Variants in TYW1B observed in about 807,000 individuals in gnomAD.
TYW1B encodes tRNA-yW synthesizing protein 1 homolog B.
A neutral mutation model predicts 86.9 loss-of-function variants in TYW1B; 73 were observed. The ratio of observed to expected loss-of-function variants is 0.84; its 90% CI spans 0.70 to 1.02. The LOEUF is 1.02. Among genes scored for constraint, TYW1B ranks in the 50% least tolerant of loss-of-function variants. The pLI is 0.00. For synonymous variants in TYW1B, 248 were observed against 292.8 expected (o/e 0.85, Z 1.56); for missense variants, 637 against 827.4 (o/e 0.77, Z 2.82).
chr7:72,647,271 C>T (rs538414154), intron 11 of TYW1B, among the ~76,000 whole-genome samples: 1 of 152,094 alleles, frequency 6.6e-6, no homozygotes, highest in East Asian at 1.9e-4. Flanking sequence ...TCAGTACCAA[C>T]GTTTAGAAAA....
chr7:72,702,578 G>A lies in TYW1B; in HGVS notation c.1371-7756C>T, dbSNP rs575813566. Among the ~76,000 whole-genome samples, 29 of 151,952 alleles carry A rather than the reference G, an allele frequency of 1.9e-4. 1 individual carries two copies. In the South Asian group the frequency reaches 6.0e-3, roughly 32 times the overall value. ...AATTTTTATATTTCAGTTGAGATGG[G>A]GTTTCACTATGTAGGTCAAGCTGGT... On this transcript the variant is annotated intron_variant, in intron 10 of 13. Coordinates refer to ENST00000620995, the MANE Select transcript of TYW1B (RefSeq NM_001145440.3).
intron 5 of TYW1B, among the ~76,000 whole-genome samples, chr7:72,806,352 C>T (rs1788494947): frequency 6.6e-6 from 1 of 151,294 alleles, no homozygotes; most frequent in Admixed American, 6.6e-5. Context: ...TCTCATGCCT[C>T]AGCCTCCCGA....
intron 10 of TYW1B, among the ~76,000 whole-genome samples, chr7:72,705,777 G>A (rs547052410): frequency 2.0e-5 from 3 of 152,132 alleles, no homozygotes; most frequent in Non-Finnish European, 4.4e-5. Flanking sequence ...GTTCTCTGAG[G>A]TTCCTCAGAG....
intron 11 of TYW1B, among the ~76,000 whole-genome samples, chr7:72,647,951 G>A (rs1812968563): frequency 6.6e-6 from 1 of 152,074 alleles, no homozygotes; most frequent in Admixed American, 6.6e-5. Context: ...CTCCCAAAAT[G>A]CTGGGATTAC....
At chr7:72,714,401 C>G (rs1786736227) in intron 9 of TYW1B, among the ~76,000 whole-genome samples, 1 of 150,640 alleles carries the variant, frequency 6.6e-6, no homozygotes, top group East Asian at 2.0e-4. Context: ...AGGATTGCTT[C>G]AGCCAAGGAG....
At position 72,627,456 on chromosome 7, in the gene TYW1B, G is replaced by GTAACATAACATAACA. The variant is rs368171802; in HGVS notation, c.1617+1416_1617+1430dup. Among the ~76,000 whole-genome samples the GTAACATAACATAACA allele has an allele frequency of 5.4e-3, 673 of 124,582 alleles. 4 individuals are homozygous for GTAACATAACATAACA. The highest frequency in any genetic ancestry group is 0.013 in the Admixed American group (147 of 11,676). The allele number at this position is 124,582 out of a possible 152,430, so 81.7% of individuals were successfully genotyped here. On this transcript the variant is annotated intron_variant, in intron 12 of 13. Coordinates refer to ENST00000620995, the MANE Select transcript of TYW1B (RefSeq NM_001145440.3). ...GAGTGAGACTTCATCTCAAAAAACA[G>GTAACATAACATAACA]TAACATAACATAACATAACATAACA...
intron 11 of TYW1B, among the ~76,000 whole-genome samples, chr7:72,662,424 T>G (rs1403297284): frequency 6.5e-5 from 3 of 46,468 alleles, no homozygotes; most frequent in African/African-American, 2.1e-4. Flanking sequence ...TTAATATATA[T>G]ATATAGATAG....
intron 13 of TYW1B, among the ~76,000 whole-genome samples, chr7:72,591,228 G>A (rs1410796186): frequency 2.4e-4 from 36 of 151,956 alleles, no homozygotes; most frequent in Non-Finnish European, 4.9e-4. Context: ...ACATTTGCAC[G>A]TGGCAATCTC....
At chr7:72,771,501 CTAAA>C (rs1219180940) in intron 7 of TYW1B, among the ~76,000 whole-genome samples, 7 of 152,098 alleles carry the variant, frequency 4.6e-5, no homozygotes, top group Non-Finnish European at 2.9e-5. Context: ...AATTATACCT[CTAAA>C]TAGTAAATTT....
chr7:72,621,601 T>C (rs782621361), intron 12 of TYW1B, among the ~76,000 whole-genome samples: 2 of 152,204 alleles, frequency 1.3e-5, no homozygotes, highest in Non-Finnish European at 2.9e-5. Flanking sequence ...GATCTTATCA[T>C]ATCCTGTGTA....
intron 7 of TYW1B, among the ~76,000 whole-genome samples, chr7:72,758,429 C>T (rs941599011): frequency 1.2e-3 from 184 of 148,938 alleles, no homozygotes; most frequent in African/African-American, 4.3e-3. Context: ...CCTAAATAAA[C>T]ATTTTTTTCT....
At chr7:72,702,037 G>C (rs1274286321) in intron 10 of TYW1B, among the ~76,000 whole-genome samples, 1 of 152,168 alleles carries the variant, frequency 6.6e-6, no homozygotes, top group African/African-American at 2.4e-5. Context: ...GAATACGATG[G>C]AGCTTTTCAA....
intron 3 of TYW1B, among the ~76,000 whole-genome samples, chr7:72,814,648 C>T (rs1224103221): frequency 6.6e-6 from 1 of 151,764 alleles, no homozygotes. Context: ...ATAGTCTCAG[C>T]TACTTTAGGA....
intron 11 of TYW1B, among the ~76,000 whole-genome samples, chr7:72,632,368 C>CAT (rs1225279381): frequency 1.2e-5 from 1 of 84,854 alleles, no homozygotes; most frequent in African/African-American, 6.5e-5. Context: ...TATATATACG[C>CAT]ATATATATTA....
At chr7:72,817,417 G>T (rs1362580956) in intron 2 of TYW1B, among the ~76,000 whole-genome samples, 2 of 151,926 alleles carry the variant, frequency 1.3e-5, no homozygotes, top group Non-Finnish European at 2.9e-5. Flanking sequence ...CAAAAAAAAA[G>T]AAAAAAGGTA....
intron 6 of TYW1B, among the ~76,000 whole-genome samples, chr7:72,791,738 T>C (rs1484740214): frequency 1.3e-5 from 2 of 152,118 alleles, no homozygotes; most frequent in African/African-American, 4.8e-5. Flanking sequence ...ATGGCGCCAC[T>C]GCACTCTGGC....
chr7:72,778,977 A>G (rs1788002741), intron 6 of TYW1B, among the ~76,000 whole-genome samples: 1 of 151,980 alleles, frequency 6.6e-6, no homozygotes, highest in Non-Finnish European at 1.5e-5. Context: ...ATATCTCCCT[A>G]TCTTTTTGGG....
At chr7:72,619,681 A>C (rs2129568485) in intron 12 of TYW1B, among the ~76,000 whole-genome samples, 1 of 152,152 alleles carries the variant, frequency 6.6e-6, no homozygotes. Context: ...TCATTACGAA[A>C]GCATGGCTGA....
chr7:72,796,975 T>A (rs1397028905), intron 6 of TYW1B, among the ~76,000 whole-genome samples: 4 of 75,986 alleles, frequency 5.3e-5, no homozygotes, highest in African/African-American at 1.5e-4. Flanking sequence ...AGCTAATTTT[T>A]GTATTTTTTT....
Sources: gnomAD v4.1 joint callset for allele counts (sites outside exome capture counted in the v4.1 genomes callset) on GRCh38, gnomAD v4.1.1 for gene constraint, MANE v1.5 for transcripts, NCBI Gene and HGNC (gene_info 2026-07-23, HGNC 2026-07-21) for gene names.